The following C2orf76 variants were observed in gnomAD, a reference collection of about 807,000 sequenced individuals.
C2orf76 encodes the protein UPF0538 protein C2orf76.
A neutral mutation model predicts 16.9 loss-of-function variants in C2orf76; 23 were observed. That is an observed-to-expected ratio of 1.36 (90% confidence interval 0.98 to 1.93). C2orf76 has a LOEUF of 1.93. C2orf76 is among the 30% of genes most tolerant of loss of function. The pLI is 0.00. For missense variants in C2orf76, 152 were observed against 152.6 expected (o/e 1.00, Z 0.02); for synonymous variants, 48 against 52.3 (o/e 0.92, Z 0.35).
chr2:119,312,687 G>A (rs914101307), intron 4 of C2orf76, among the ~76,000 whole-genome samples: 1 of 152,182 alleles, frequency 6.6e-6, no homozygotes, highest in Admixed American at 6.5e-5. Context: ...GTGCTCTCCA[G>A]TGATATTTAC....
chr2:119,341,221 C>A (rs572665665), intron 1 of C2orf76, among the ~76,000 whole-genome samples: 1 of 152,286 alleles, frequency 6.6e-6, no homozygotes, highest in South Asian at 2.1e-4. Flanking sequence ...GTCACCCAGG[C>A]TGGTCTCCAA....
intron 1 of C2orf76, among the ~76,000 whole-genome samples, chr2:119,348,588 A>C (rs1680280887): frequency 6.6e-6 from 1 of 152,168 alleles, no homozygotes. Flanking sequence ...CGGGAGGCTG[A>C]GGAAGGAGAT....
intron 1 of C2orf76, among the ~76,000 whole-genome samples, chr2:119,352,486 CCAAT>C (rs890989009): frequency 6.6e-6 from 1 of 152,198 alleles, no homozygotes; most frequent in African/African-American, 2.4e-5. Context: ...TGAGTCTCAG[CCAAT>C]CACAGCAGCC....
chr2:119,361,561 G>A (rs1680745392), intron 1 of C2orf76, among the ~76,000 whole-genome samples: 1 of 151,982 alleles, frequency 6.6e-6, no homozygotes, highest in Admixed American at 6.6e-5. Context: ...AGTATTATAA[G>A]TAACCTAGAG....
At chr2:119,366,526 G>A (rs762286233) in intron 1 of C2orf76, 7 of 471,198 alleles carry the variant, frequency 1.5e-5, no homozygotes, top group African/African-American at 4.0e-5. Context: ...ACCATCTCCG[G>A]GGGTCTCCTC....
At chr2:119,363,530 T>C (rs1680821279) in intron 1 of C2orf76, among the ~76,000 whole-genome samples, 1 of 152,098 alleles carries the variant, frequency 6.6e-6, no homozygotes, top group Non-Finnish European at 1.5e-5. Flanking sequence ...AGAATGAATG[T>C]AATCCATCAT....
chr2:119,330,441 T>C (rs1679641364), intron 2 of C2orf76, among the ~76,000 whole-genome samples: 1 of 152,126 alleles, frequency 6.6e-6, no homozygotes, highest in Non-Finnish European at 1.5e-5. Context: ...TCATCTTTGT[T>C]CCTTTTTATG....
intron 1 of C2orf76, among the ~76,000 whole-genome samples, chr2:119,364,858 C>T (rs1341457601): frequency 6.6e-6 from 1 of 151,974 alleles, no homozygotes; most frequent in Non-Finnish European, 1.5e-5. Context: ...GTGGGAGAAT[C>T]CCTTGAGCCC....
chr2:119,294,202 C>T, the C2orf76 span, among the ~76,000 whole-genome samples: 1 of 151,964 alleles, frequency 6.6e-6, no homozygotes, highest in Non-Finnish European at 1.5e-5. Context: ...CAAGTGTTGG[C>T]AAGAAGGGTG....
chr2:119,363,155 T>C (rs1680797578), intron 1 of C2orf76, among the ~76,000 whole-genome samples: 4 of 152,056 alleles, frequency 2.6e-5, no homozygotes, highest in African/African-American at 7.2e-5. Flanking sequence ...CCAGGCGACA[T>C]GGCTCACGCC....
At chr2:119,314,901 G>A (rs1310224932) in intron 4 of C2orf76, among the ~76,000 whole-genome samples, 1 of 152,132 alleles carries the variant, frequency 6.6e-6, no homozygotes, top group African/African-American at 2.4e-5. Flanking sequence ...TTGAAGTACA[G>A]TTTCACACAA....
At chr2:119,303,810 C>A (rs532471191) in intron 5 of C2orf76, among the ~76,000 whole-genome samples, 26 of 152,242 alleles carry the variant, frequency 1.7e-4, no homozygotes, top group Admixed American at 1.2e-3. Context: ...CATTCCAGTC[C>A]TCTACTATAT....
At chr2:119,309,130 C>T (rs910473656) in intron 5 of C2orf76, among the ~76,000 whole-genome samples, 22 of 152,210 alleles carry the variant, frequency 1.4e-4, no homozygotes, top group Admixed American at 1.3e-4. Flanking sequence ...TGGCCTCAGG[C>T]GATCCACTAG....
chr2:119,304,355 T>G (rs1415547966), intron 5 of C2orf76, among the ~76,000 whole-genome samples: 1 of 152,262 alleles, frequency 6.6e-6, no homozygotes, highest in Non-Finnish European at 1.5e-5. Context: ...TTTCACTTAC[T>G]GCAGTTGACA....
chr2:119,311,567 C>T (rs1435310024), intron 5 of C2orf76, 55 bp downstream of exon 5: 2 of 1,588,382 alleles, frequency 1.3e-6, no homozygotes, highest in African/African-American at 1.4e-5. Context: ...TCAGCCAGGC[C>T]TCAGGATAGG....
At chr2:119,320,962 C>G (rs1010355175) in intron 3 of C2orf76, among the ~76,000 whole-genome samples, 192 bp downstream of exon 3, 1 of 152,190 alleles carries the variant, frequency 6.6e-6, no homozygotes, top group Non-Finnish European at 1.5e-5. Context: ...ACATGCTACT[C>G]TTTGCAAATA....
Position 119,343,062 on chromosome 2 carries a change from T to C in C2orf76, c.-12-3091A>G, listed in dbSNP as rs116607224. ...ATCATTCTTTATGCCTTTTAGTATG[T>C]CTGGAATATTTTATAACATACACAA... On this transcript the variant is annotated intron_variant, in intron 1 of 5. Coordinates refer to ENST00000334816, the MANE Select transcript of C2orf76 (RefSeq NM_001322331.2). Among the ~76,000 whole-genome samples the C allele has an allele frequency of 5.3e-3, 805 of 152,230 alleles. 5 individuals carry two copies. The highest frequency in any genetic ancestry group is 0.019 in the African/African-American group (779 of 41,534).
At chr2:119,340,181 G>C (rs980542997) in intron 1 of C2orf76, 2 of 459,532 alleles carry the variant, frequency 4.4e-6, no homozygotes, top group Admixed American at 3.4e-5. Context: ...ATCCTGGACA[G>C]CTCTGTCACA....
rs760826042 is a variant in C2orf76 at position 119,339,878 on chromosome 2, C to T, written c.82G>A (p.Gly28Arg). ...HRNFKPVVYH[G>R]VNLDQTVKEF... Reference sequence around the variant, plus strand: ...TTTACAGTTTGGTCCAAATTCACTCCGTGATACACTACAGGTTTGAAATTG... The same window carrying T: ...TTTACAGTTTGGTCCAAATTCACTCTGTGATACACTACAGGTTTGAAATTG... The change falls in exon 2 of 6, where the codon GGA (glycine) becomes AGA (arginine). Residue 28 changes from glycine (G) to arginine (R), a missense_variant. Gly to Arg is a moderately radical substitution (Grantham distance 125, BLOSUM62 -2). Transcript: ENST00000334816. 3.7e-6 allele frequency: 6 copies of T among 1,611,864 alleles called. No individual in the cohort carries two copies. The highest frequency in any genetic ancestry group is 3.3e-5 in the South Asian group (3 of 90,972).
Sources: gnomAD v4.1 joint callset for allele counts (sites outside exome capture counted in the v4.1 genomes callset) on GRCh38, gnomAD v4.1.1 for gene constraint, MANE v1.5 for transcripts, NCBI Gene and HGNC (gene_info 2026-07-23, HGNC 2026-07-21) for gene names.